EVPL: variants seen among roughly 807,000 people sequenced by gnomAD.
EVPL encodes the protein 210 kDa cornified envelope precursor protein.
Under a neutral mutation model 129.7 loss-of-function variants are expected in EVPL, and 94 were observed. That is an observed-to-expected ratio of 0.72 (90% CI 0.61 to 0.86). The LOEUF (loss-of-function observed/expected upper bound fraction) is 0.86, where lower values mean the gene tolerates loss of function less well. Ranked by LOEUF, EVPL falls within the 40% of genes least tolerant of loss-of-function variation. The probability of loss-of-function intolerance (pLI) is 0.00; values close to 1 mark genes in which losing one functional copy is unlikely to be tolerated. For synonymous variants in EVPL, 1,172 were observed against 1,191.1 expected, an observed-to-expected ratio of 0.98 and a Z score of 0.33; for missense variants, 2,625 against 2,721.1, an observed-to-expected ratio of 0.96 and a Z score of 0.79.
At chr17:76,014,661 C>T in intron 17 of EVPL, 85 bp from the exon 18 acceptor site, 2 of 1,543,790 alleles carry the variant, frequency 1.3e-6, no homozygotes, top group Non-Finnish European at 1.7e-6. Flanking sequence ...ATGGGAGCCT[C>T]CTCCTGGGGG....
chr17:76,024,864 T>C lies in EVPL; in HGVS notation c.99-744A>G, dbSNP rs2066488241. 6.6e-6 allele frequency among the ~76,000 whole-genome samples: 1 copy of C among 152,228 alleles called. No individual in the cohort carries two copies. The highest frequency in any genetic ancestry group is 2.4e-5 in the African/African-American group (1 of 41,452). On this transcript the variant is annotated intron_variant, in intron 1 of 21. Transcript: ENST00000301607. The surrounding 1 kb of genome is among the most constrained non-coding windows in gnomAD (Gnocchi z 4.5). Reference sequence around the variant, plus strand: ...CTCCATAGAGCACCTGCTGTGTGCATGCACTCACTGTGCGGAGGTCACAAG... The same window carrying C: ...CTCCATAGAGCACCTGCTGTGTGCACGCACTCACTGTGCGGAGGTCACAAG...
At position 76,009,185 on chromosome 17, in the gene EVPL, C is replaced by T. The variant is rs1187920098; in HGVS notation, c.4020G>A (p.Ala1340=). 1.2e-6 allele frequency: 2 copies of T among 1,610,922 alleles called. No individual in the cohort carries two copies. The highest frequency in any genetic ancestry group is 1.7e-6 in the Non-Finnish European group (2 of 1,179,898). The change falls in exon 22 of 22, where the codon GCG becomes GCA. Residue 1340 remains alanine, a synonymous_variant. Coordinates refer to ENST00000301607, the MANE Select transcript of EVPL (RefSeq NM_001988.4). The surrounding 1 kb of genome is among the most constrained non-coding windows in gnomAD (Gnocchi z 5.9). ...AERLRQEVRE[A]AQKRRAAEDA... is the part of the protein sequence containing the mutation. ...CCTCCGCGGCCCGCCTCTTCTGGGCCGCCTCCCGCACCTCCTGGCGGAGCC... is the reference window on the plus strand; with the variant it reads ...CCTCCGCGGCCCGCCTCTTCTGGGCTGCCTCCCGCACCTCCTGGCGGAGCC...
chr17:76,018,233 T>G lies in EVPL; in HGVS notation c.1465A>C (p.Lys489Gln). 1 of 1,549,200 alleles carries G rather than the reference T, an allele frequency of 6.5e-7. No homozygotes were observed. The highest frequency in any genetic ancestry group is 8.7e-7 in the Non-Finnish European group (1 of 1,145,576). ...CTCTGGACTGTGGCCAATTTCTGCT[T>G]CAGGGCCTGCAGCTCTGAGGCCAGC... ...SRLASELQAL[K>Q]QKLATVQSRL... The change falls in exon 13 of 22, where the codon AAG (lysine) becomes CAG (glutamine). Residue 489 changes from lysine to glutamine, a missense_variant. Coordinates refer to ENST00000301607, the MANE Select transcript of EVPL (RefSeq NM_001988.4).
chr17:76,010,265 C>T lies in EVPL; in HGVS notation c.2940G>A (p.Glu980=), dbSNP rs2144405647. Reference sequence around the variant, plus strand: ...GGCCAGCCCGCCGCTTGCCCTCCTCCTCCACCTGGGCCTTCACCCTGGACA... The same window carrying T: ...GGCCAGCCCGCCGCTTGCCCTCCTCTTCCACCTGGGCCTTCACCCTGGACA... ...GSLSRVKAQV[E]EEGKRRAGLQ... is the part of the protein sequence containing the mutation. The change falls in exon 22 of 22, where the codon GAG becomes GAA. Residue 980 remains glutamate (E), a synonymous_variant. Transcript: ENST00000301607. 2 of 1,614,048 alleles carry T rather than the reference C, an allele frequency of 1.2e-6. No homozygotes were observed. Among genetic ancestry groups the T allele is most frequent in the East Asian group, 2.2e-5 (1 of 44,878 alleles).
chr17:76,021,838 C>A, intron 7 of EVPL, 29 bp downstream of exon 7: 1 of 1,564,884 alleles, frequency 6.4e-7, no homozygotes, highest in African/African-American at 1.4e-5. Context: ...CTGGCCGCCC[C>A]CACCTGGCCC....
In EVPL at chr17:76,027,074, G is replaced by A. The variant is rs370059737; in HGVS notation, c.98+27C>T. 82 of 1,343,190 alleles carry A rather than the reference G, an allele frequency of 6.1e-5. No individual in the cohort carries two copies. In the African/African-American group the frequency reaches 1.1e-3, roughly 17 times the overall value. The allele number at this position is 1,343,190 out of a possible 1,614,324, so 83.2% of individuals were successfully genotyped here. On this transcript the variant is annotated intron_variant, in intron 1 of 21. Transcript: ENST00000301607. ...GGCACCACCCCCACCCCAGTTCCCC[G>A]GCTCCCCATCCCCCAGTCCCACTTA...
chr17:76,026,785 G>A (rs1344852946), intron 1 of EVPL, among the ~76,000 whole-genome samples: 10 of 152,196 alleles, frequency 6.6e-5, no homozygotes, highest in Non-Finnish European at 1.2e-4. Flanking sequence ...GGCAGAGGAG[G>A]GCCTCCGTGC....
rs1225558822 is a variant in EVPL at position 76,007,862 on chromosome 17, A to C, written c.5343T>G (p.Ala1781=). The C allele has an allele frequency of 6.2e-7, 1 of 1,613,236 alleles. No homozygotes were observed. The highest frequency in any genetic ancestry group is 8.5e-7 in the Non-Finnish European group (1 of 1,179,428). The change falls in exon 22 of 22, where the codon GCT becomes GCG. Residue 1781 remains alanine, a synonymous_variant. Transcript: ENST00000301607. This position sits in a 1 kb window ranked among gnomAD's most constrained non-coding sequence, Gnocchi z 8.8. ...GTGAGGAGCTTGGCTTGGTCTCCCC[A>C]GCTACAAGCAGCGCAAACTCGGAGA... ...LPISEFALLV[A]GETKPSSSLS...
chr17:76,006,848 C>T lies in EVPL; in HGVS notation c.*255G>A, dbSNP rs148002404. 55 of 373,014 alleles carry T rather than the reference C, an allele frequency of 1.5e-4. No homozygotes were observed. Among genetic ancestry groups the T allele is most frequent in the African/African-American group, 1.0e-3 (50 of 48,304 alleles). The allele number at this position is 373,014 out of a possible 1,614,324, so 23.1% of individuals were successfully genotyped here. ...TGAATGAATGGGACACCACATGGCA[C>T]GGGGAGACAGAATTCGTTTATTGGG... On this transcript the variant is annotated 3_prime_UTR_variant, in exon 22 of 22. Transcript: ENST00000301607.
Position 76,022,627 on chromosome 17 carries a change from G to T in EVPL, c.481-89C>A. ...GCCTCCCACCCGGAGAAGTGGACTT[G>T]GTCATTTGGGCAGAGCGTGGACGAG... On this transcript the variant is annotated intron_variant, in intron 4 of 21. Transcript: ENST00000301607. The surrounding 1 kb of genome is among the most constrained non-coding windows in gnomAD (Gnocchi z 5.6). The T allele has an allele frequency of 1.3e-6, 2 of 1,492,376 alleles. No homozygotes were observed. Among genetic ancestry groups the T allele is most frequent in the Non-Finnish European group, 8.9e-7 (1 of 1,118,528 alleles). 92.4% of individuals were successfully genotyped at this position (1,492,376 alleles called of 1,614,324 possible).
Position 76,008,266 on chromosome 17 carries a change from G to T in EVPL, c.4939C>A (p.Arg1647Ser). 1 of 1,612,686 alleles carries T rather than the reference G, an allele frequency of 6.2e-7. No homozygotes were observed. The change falls in exon 22 of 22, where the codon CGC (arginine) becomes AGC (serine). Residue 1647 changes from arginine (R) to serine (S), a missense_variant. Arg to Ser is a moderately radical substitution (Grantham distance 110). Transcript: ENST00000301607. The surrounding 1 kb of genome is among the most constrained non-coding windows in gnomAD (Gnocchi z 7.4). ...ELSRLEAAILREKDQIYEKER... is the reference protein window; with the variant it reads ...ELSRLEAAILSEKDQIYEKER... ...TTCTCGTAGATCTGGTCCTTCTCGC[G>T]GAGGATGGCCGCCTCCAGCCGCGAG...
chr17:76,014,349 G>A, intron 18 of EVPL, 77 bp downstream of exon 18: 2 of 1,496,930 alleles, frequency 1.3e-6, no homozygotes, highest in Non-Finnish European at 1.8e-6. Context: ...GGGCTTTGAA[G>A]CCCCTTAGAG....
chr17:76,014,475 C>T lies in EVPL; in HGVS notation c.2324G>A (p.Arg775Gln), dbSNP rs1238250351. 9 of 1,611,940 alleles carry T rather than the reference C, an allele frequency of 5.6e-6. No individual in the cohort carries two copies. Among genetic ancestry groups the T allele is most frequent in the Admixed American group, 1.7e-5 (1 of 59,790 alleles). Residue 775 changes from arginine to glutamine, a missense_variant, in exon 18 of 22, where the codon CGG becomes CAG. By Grantham distance (43) the Arg-to-Gln change is conservative (BLOSUM62 1). Around this residue, in one of 4 missense-constraint regions of EVPL, gnomAD observed 1,024 missense variants for 997.5 expected, o/e 1.03. Coordinates refer to ENST00000301607, the MANE Select transcript of EVPL (RefSeq NM_001988.4). ...GATCTGGCTGGGGCCGTCGCTGGGC[C>T]GCACCTGGCTGCGGGGCAGGTGCTC... ...WLEHLPRSQVRPSDGPSQIAY... is the reference protein window; with the variant it reads ...WLEHLPRSQVQPSDGPSQIAY...
chr17:76,016,164 A>G (rs2066417977), intron 14 of EVPL, among the ~76,000 whole-genome samples: 1 of 152,014 alleles, frequency 6.6e-6, no homozygotes, highest in Admixed American at 6.6e-5. Context: ...AAAATAAATA[A>G]AAAAGAATGA....
At position 76,022,875 on chromosome 17, in the gene EVPL, C is replaced by T. The variant is rs1369336109; in HGVS notation, c.481-337G>A. On this transcript the variant is annotated intron_variant, in intron 4 of 21. Transcript: ENST00000301607. This position sits in a 1 kb window ranked among gnomAD's most constrained non-coding sequence, Gnocchi z 5.6. ...GCCCTGCTCCAGCCGGGCCCTTCCC[C>T]ACTGTCCCTCTATTGTCATGATGAC... Among the ~76,000 whole-genome samples the T allele has an allele frequency of 2.0e-5, 3 of 152,158 alleles. No homozygotes were observed. The highest frequency in any genetic ancestry group is 4.4e-5 in the Non-Finnish European group (3 of 68,018).
chr17:76,015,111 T>C lies in EVPL; in HGVS notation c.2029-2A>G. 6.4e-7 allele frequency: 1 copy of C among 1,572,598 alleles called. No individual in the cohort carries two copies. On this transcript the variant is annotated splice_acceptor_variant, in intron 16 of 21. Coordinates refer to ENST00000301607, the MANE Select transcript of EVPL (RefSeq NM_001988.4). LOFTEE classifies it high-confidence loss of function. Reference sequence around the variant, plus strand: ...TTCCAGCAGCTCCCTCCGCTGGCGCTGCAGGAGGAGGGGACGCAGCCGTGC... The same window carrying C: ...TTCCAGCAGCTCCCTCCGCTGGCGCCGCAGGAGGAGGGGACGCAGCCGTGC...
chr17:76,014,307 G>A, intron 18 of EVPL, 119 bp downstream of exon 18: 1 of 1,361,282 alleles, frequency 7.3e-7, no homozygotes, highest in Non-Finnish European at 9.8e-7. Context: ...TCAGCTGGAG[G>A]CCAGGGAAGG....
rs375392035 is a variant in EVPL, at chr17:76,022,201, G to A, written c.633C>T (p.Tyr211=). Residue 211 remains tyrosine, a synonymous_variant, in exon 6 of 22, where the codon TAC becomes TAT. Coordinates refer to ENST00000301607, the MANE Select transcript of EVPL (RefSeq NM_001988.4). The surrounding 1 kb of genome is among the most constrained non-coding windows in gnomAD (Gnocchi z 5.6). ...CCCTCCTGCTCACCAGTAGGTCTCGGTATTGGCTCCGGATGGTGGCTGCAT... is the reference window on the plus strand; with the variant it reads ...CCCTCCTGCTCACCAGTAGGTCTCGATATTGGCTCCGGATGGTGGCTGCAT... ...GPDAATIRSQ[Y]RDLLKAASWR... The A allele has an allele frequency of 2.5e-6, 4 of 1,613,058 alleles. No homozygotes were observed. In the African/African-American group the frequency reaches 5.3e-5, roughly 22 times the overall value.
chr17:76,019,923 A>G (rs1442457318), intron 9 of EVPL, among the ~76,000 whole-genome samples: 1 of 150,682 alleles, frequency 6.6e-6, no homozygotes, highest in Non-Finnish European at 1.5e-5. Flanking sequence ...AGCTAAACTT[A>G]AACCAGCTAA....
Sources: gnomAD v4.1 joint callset for allele counts (sites outside exome capture counted in the v4.1 genomes callset) on GRCh38, gnomAD v4.1.1 for gene constraint, gnomAD v4.1.1 regional missense constraint, Gnocchi (gnomAD v3.1) non-coding constraint, MANE v1.5 for transcripts, NCBI Gene and HGNC (gene_info 2026-07-23, HGNC 2026-07-21) for gene names.